The following EEF2KMT variants were observed in gnomAD, a reference collection of about 807,000 sequenced individuals.
EEF2KMT encodes the protein eukaryotic elongation factor 2 lysine methyltransferase, also known as protein-lysine N-methyltransferase EEF2KMT.
EEF2KMT carries 30 observed loss-of-function variants against 35.1 expected under a neutral mutation model. The ratio of observed to expected loss-of-function variants is 0.85; its 90% CI spans 0.64 to 1.16. The LOEUF (loss-of-function observed/expected upper bound fraction) is 1.16. EEF2KMT is among the 50% of genes most tolerant of loss of function. The pLI is 0.00. For missense variants in EEF2KMT, 499 were observed against 438.2 expected (o/e 1.14, Z -1.24); for synonymous variants, 190 against 187.7 (o/e 1.01, Z -0.10).
chr16:5,090,754 C>T lies in EEF2KMT; in HGVS notation c.343-189G>A, dbSNP rs1957325874. Among the ~76,000 whole-genome samples, 1 of 152,094 alleles carries T rather than the reference C, an allele frequency of 6.6e-6. No homozygotes were observed. The highest frequency in any genetic ancestry group is 1.5e-5 in the Non-Finnish European group (1 of 68,016). ...CAAGGGTGTCACGCGGTGTGAAAGA[C>T]ACTCATCTCAGGCCACACAGGATTC... On this transcript the variant is annotated intron_variant, in intron 4 of 7. Coordinates refer to ENST00000427587, the MANE Select transcript of EEF2KMT (RefSeq NM_201400.4). The surrounding 1 kb of genome is among the most constrained non-coding windows in gnomAD (Gnocchi z 4.1).
At chr16:5,093,958 G>C (rs546110793) in intron 2 of EEF2KMT, among the ~76,000 whole-genome samples, 3 of 152,334 alleles carry the variant, frequency 2.0e-5, no homozygotes, top group African/African-American at 7.2e-5. Context: ...GTGTCCCTGG[G>C]GACAGGATGG....
intron 4 of EEF2KMT, among the ~76,000 whole-genome samples, chr16:5,091,059 C>T (rs1483495834): frequency 1.3e-5 from 2 of 152,100 alleles, no homozygotes; most frequent in Non-Finnish European, 2.9e-5. Context: ...CGAATACAGG[C>T]GTGTGCCACC....
rs1430724957 is a variant in EEF2KMT, at chr16:5,087,789, A to T, written c.892+1318T>A. 7.6e-4 allele frequency among the ~76,000 whole-genome samples: 96 copies of T among 126,306 alleles called. 1 individual carries two copies. The highest frequency in any genetic ancestry group is 5.8e-4 in the Non-Finnish European group (36 of 62,220). The allele number at this position is 126,306 out of a possible 152,430, so 82.9% of individuals were successfully genotyped here. ...ACTCCAGCCTGGGCAATACAAAGCC[A>T]GACTCTGTCTCAAAAAAAAAAAAAA... On this transcript the variant is annotated intron_variant, in intron 7 of 7. Transcript: ENST00000427587.
chr16:5,091,539 G>C (rs928937331), intron 4 of EEF2KMT, among the ~76,000 whole-genome samples: 8 of 152,246 alleles, frequency 5.3e-5, no homozygotes, highest in Non-Finnish European at 1.0e-4. Context: ...TTGAGGACTG[G>C]GCACCAGGTC....
chr16:5,097,319 G>A lies in EEF2KMT; in HGVS notation c.96+325C>T, dbSNP rs568392137. The A allele has an allele frequency of 2.2e-6, 3 of 1,380,462 alleles. No individual in the cohort carries two copies. The African/African-American group carries it at 4.3e-5, about 20-fold the overall frequency. 85.5% of individuals were successfully genotyped at this position (1,380,462 alleles called of 1,614,324 possible). A position where few individuals can be genotyped will look rare whatever the true frequency, so the allele number is the denominator to read the frequency against. On this transcript the variant is annotated intron_variant, in intron 1 of 7. Coordinates refer to ENST00000427587, the MANE Select transcript of EEF2KMT (RefSeq NM_201400.4). ...GCGCTGACTTTTTAGAATGGGCGAG[G>A]GCAGCTGTGTCCCAGTGACCAGAAC... is the stretch of plus-strand genomic sequence containing the variant.
intron 2 of EEF2KMT, among the ~76,000 whole-genome samples, chr16:5,095,192 T>TA (rs1957429188): frequency 6.6e-6 from 1 of 152,238 alleles, no homozygotes; most frequent in Non-Finnish European, 1.5e-5. Context: ...GTGGATGGTT[T>TA]AAAAAACATT....
chr16:5,094,936 C>G (rs1957422163), intron 2 of EEF2KMT, among the ~76,000 whole-genome samples: 1 of 152,164 alleles, frequency 6.6e-6, no homozygotes, highest in African/African-American at 2.4e-5. Context: ...ACCCAGGATG[C>G]AGGGTGATCT....
intron 2 of EEF2KMT, among the ~76,000 whole-genome samples, chr16:5,094,852 T>C (rs1455278149): frequency 1.3e-5 from 2 of 152,226 alleles, no homozygotes; most frequent in Admixed American, 1.3e-4. Flanking sequence ...TGTATTCTTC[T>C]GGTGCACTTC....
chr16:5,091,768 G>A lies in EEF2KMT; in HGVS notation c.342+26C>T, dbSNP rs762863799. On this transcript the variant is annotated intron_variant, in intron 4 of 7. Coordinates refer to ENST00000427587, the MANE Select transcript of EEF2KMT (RefSeq NM_201400.4). The stretch of plus-strand genomic sequence containing the variant: ...TGCAGGAAGGGTATCTGGGCTGTGA[G>A]GGGGAGGAGGGTGCCCTTCTCATAC... 2.4e-5 allele frequency: 38 copies of A among 1,610,826 alleles called. No homozygotes were observed. The Admixed American group carries it at 3.2e-4, about 13-fold the overall frequency.
chr16:5,097,486 A>C, intron 1 of EEF2KMT, 158 bp downstream of exon 1: 6 of 1,425,740 alleles, frequency 4.2e-6, no homozygotes, highest in Non-Finnish European at 5.5e-6. Context: ...GACTCTGGCC[A>C]GGCCCCAGGG....
chr16:5,097,073 G>C (rs1271718793), intron 1 of EEF2KMT, among the ~76,000 whole-genome samples: 1 of 152,218 alleles, frequency 6.6e-6, no homozygotes, highest in African/African-American at 2.4e-5. Flanking sequence ...TGGCAGAAGG[G>C]AGGCTGCTGC....
Position 5,090,432 on chromosome 16 carries a change from C to T in EEF2KMT, c.476G>A (p.Arg159Lys). ...GCCCTGCCCTGCGCCCCGAGGTCACCTGTTAGTGAAGACTGCCGGGTTCTC... is the reference window on the plus strand; with the variant it reads ...GCCCTGCCCTGCGCCCCGAGGTCACTTGTTAGTGAAGACTGCCGGGTTCTC... ...AIENPAVFTNRTVLELGSGAG... is the reference protein window; with the variant it reads ...AIENPAVFTNKTVLELGSGAG... Residue 159 changes from arginine to lysine, a missense_variant and splice_region_variant, in exon 5 of 8, where the codon AGG becomes AAG. Arg to Lys is a conservative substitution (Grantham distance 26, BLOSUM62 2). Transcript: ENST00000427587. The surrounding 1 kb of genome is among the most constrained non-coding windows in gnomAD (Gnocchi z 4.1). 2 of 1,611,974 alleles carry T rather than the reference C, an allele frequency of 1.2e-6. No individual in the cohort carries two copies. Among genetic ancestry groups the T allele is most frequent in the South Asian group, 2.2e-5 (2 of 90,980 alleles).
Position 5,091,872 on chromosome 16 carries a change from A to G in EEF2KMT, c.264T>C (p.Pro88=). 26 of 1,611,874 alleles carry G rather than the reference A, an allele frequency of 1.6e-5. No homozygotes were observed. The highest frequency in any genetic ancestry group is 2.1e-5 in the Non-Finnish European group (25 of 1,179,772). ...IKKHEAVHTE[P]LDELYEALAE... ...CCAGCGCTTCATACAGCTCGTCCAA[A>G]GGCTCTGTGTGGACAGCCTCGTGCT... The change falls in exon 4 of 8, where the codon CCT becomes CCC. Residue 88 remains proline, a synonymous_variant. Transcript: ENST00000427587.
intron 1 of EEF2KMT, among the ~76,000 whole-genome samples, chr16:5,096,790 G>A (rs572160054): frequency 5.3e-5 from 8 of 152,348 alleles, no homozygotes; most frequent in East Asian, 3.9e-4. Context: ...AGCATTCAGC[G>A]TGGGCATGTG....
At chr16:5,091,699 G>C (rs1471268014) in intron 4 of EEF2KMT, 95 bp downstream of exon 4, 1 of 1,564,124 alleles carries the variant, frequency 6.4e-7, no homozygotes, top group Non-Finnish European at 8.7e-7. Flanking sequence ...TGTAGAATGG[G>C]TGAGTCAGGA....
At position 5,090,195 on chromosome 16, in the gene EEF2KMT, C is replaced by A. The variant is rs1370121922; in HGVS notation, c.631G>T (p.Asp211Tyr). The change falls in exon 6 of 8, where the codon GAC becomes TAC. Residue 211 changes from aspartate to tyrosine, a missense_variant. Physicochemically the swap from Asp to Tyr is radical, Grantham distance 160. Coordinates refer to ENST00000427587, the MANE Select transcript of EEF2KMT (RefSeq NM_201400.4). The surrounding 1 kb of genome is among the most constrained non-coding windows in gnomAD (Gnocchi z 4.1). ...GGGCTGTCTAACTTGGCAGTGATGTCTGCCTCTAATGAGAGGCCATTGAGA... is the reference window on the plus strand; with the variant it reads ...GGGCTGTCTAACTTGGCAGTGATGTATGCCTCTAATGAGAGGCCATTGAGA... The part of the protein sequence containing the change: ...VLLNGLSLEA[D>Y]ITAKLDSPRV... The A allele has an allele frequency of 1.2e-6, 2 of 1,611,820 alleles. No homozygotes were observed. The highest frequency in any genetic ancestry group is 2.7e-5 in the African/African-American group (2 of 74,886).
chr16:5,090,466 AT>A lies in EEF2KMT; in HGVS notation c.441del (p.Glu147AspfsTer16), dbSNP rs1340639776. 1.9e-6 allele frequency: 3 copies of A among 1,611,864 alleles called. No homozygotes were observed. The highest frequency in any genetic ancestry group is 2.5e-6 in the Non-Finnish European group (3 of 1,179,846). On this transcript the variant is annotated frameshift_variant, in exon 5 of 8. Transcript: ENST00000427587. LOFTEE classifies it high-confidence loss of function. The surrounding 1 kb of genome is among the most constrained non-coding windows in gnomAD (Gnocchi z 4.1). ...VTWDAALYLA[E>X]WAIENPAVFT... ...AAGACTGCCGGGTTCTCGATGGCCC[AT>A]TCTGCAAGGTAGAGGGCGGCGTCCC...
Position 5,090,033 on chromosome 16 carries a change from G to A in EEF2KMT, c.742+51C>T. 3 of 1,597,506 alleles carry A rather than the reference G, an allele frequency of 1.9e-6. No individual in the cohort carries two copies. Among genetic ancestry groups the A allele is most frequent in the Non-Finnish European group, 2.5e-6 (3 of 1,179,394 alleles). ...CCCTTTTCCCAGAGCCAAGAGCTGGGTAGAGCTGCAAGGACACCACCTGCA... is the reference window on the plus strand; with the variant it reads ...CCCTTTTCCCAGAGCCAAGAGCTGGATAGAGCTGCAAGGACACCACCTGCA... On this transcript the variant is annotated intron_variant, in intron 6 of 7. Transcript: ENST00000427587. This position sits in a 1 kb window ranked among gnomAD's most constrained non-coding sequence, Gnocchi z 4.1.
At chr16:5,085,865 C>T in intron 7 of EEF2KMT, 133 bp from the exon 8 acceptor site, 2 of 724,060 alleles carry the variant, frequency 2.8e-6, no homozygotes, top group Admixed American at 4.2e-5. Flanking sequence ...TCACAGGTTC[C>T]CAGGCCCACC....
Sources: gnomAD v4.1 joint callset for allele counts (sites outside exome capture counted in the v4.1 genomes callset) on GRCh38, gnomAD v4.1.1 for gene constraint, Gnocchi (gnomAD v3.1) non-coding constraint, MANE v1.5 for transcripts, NCBI Gene and HGNC (gene_info 2026-07-23, HGNC 2026-07-21) for gene names.